BATF2: variants seen among roughly 807,000 people sequenced by gnomAD.
BATF2 encodes the protein basic leucine zipper transcriptional factor ATF-like 2.
A neutral mutation model predicts 7.3 loss-of-function variants in BATF2; 4 were observed. The ratio of observed to expected loss-of-function variants is 0.55; its 90% CI spans 0.27 to 1.26. BATF2 has a LOEUF of 1.26. Among genes scored for constraint, BATF2 ranks in the 50% most tolerant of loss-of-function variants. The pLI is 0.11. For synonymous variants in BATF2, 152 were observed against 153.9 expected (o/e 0.99, Z 0.09); for missense variants, 295 against 340.5 (o/e 0.87, Z 1.05).
chr11:64,994,359 G>A, intron 2 of BATF2, 89 bp downstream of exon 2: 1 of 1,242,634 alleles, frequency 8.0e-7, no homozygotes, highest in East Asian at 2.5e-5. Context: ...GAGTTTGGGG[G>A]AGGTCTGCTC....
At chr11:64,993,760 T>C (rs1946092589) in intron 2 of BATF2, among the ~76,000 whole-genome samples, 1 of 152,098 alleles carries the variant, frequency 6.6e-6, no homozygotes, top group South Asian at 2.1e-4. Context: ...TGGGCCCACC[T>C]GGCCTCATGA....
Position 64,990,829 on chromosome 11 carries a change from C to T in BATF2, c.142-1017G>A, listed in dbSNP as rs970055522. ...TTTTTGAGATGGAGTCTGGCTCTGT[C>T]GCCCAGGCTGGAGTGCAGTGGCTCG... On this transcript the variant is annotated intron_variant, in intron 2 of 2. Transcript: ENST00000301887. Among the ~76,000 whole-genome samples, 25 of 152,044 alleles carry T rather than the reference C, an allele frequency of 1.6e-4. No homozygotes were observed. The East Asian group carries it at 2.9e-3, about 18-fold the overall frequency.
chr11:64,988,154 C>T lies in BATF2; in HGVS notation c.*975G>A, dbSNP rs1946038239. 6.6e-6 allele frequency: 1 copy of T among 152,240 alleles called. No homozygotes were observed. 9.4% of individuals were successfully genotyped at this position (152,240 alleles called of 1,614,324 possible). ...TCTTGAAGCAGACACCAAAACTGAA[C>T]TTCCACCCGGTCATGGGCCCTGCTC... On this transcript the variant is annotated 3_prime_UTR_variant, in exon 3 of 3. Coordinates refer to ENST00000301887, the MANE Select transcript of BATF2 (RefSeq NM_138456.4).
rs201553021 is a variant in BATF2, at chr11:64,989,287, G to A, written c.667C>T (p.Pro223Ser). The A allele has an allele frequency of 3.8e-6, 6 of 1,595,546 alleles. No homozygotes were observed. In the African/African-American group the frequency reaches 6.7e-5, roughly 18 times the overall value. ...HPTRGKLGSS[P>S]DNPSSALGLA... The stretch of plus-strand genomic sequence containing the variant: ...CCCAGGGCAGAGGAAGGGTTGTCGG[G>A]AGAGGACCCCAGCTTCCCTCTGGTG... Residue 223 changes from proline to serine, a missense_variant, in exon 3 of 3, where the codon CCC becomes TCC. By Grantham distance (74) the Pro-to-Ser change is moderately conservative. Coordinates refer to ENST00000301887, the MANE Select transcript of BATF2 (RefSeq NM_138456.4). The surrounding 1 kb of genome is among the most constrained non-coding windows in gnomAD (Gnocchi z 4.3).
In BATF2 at chr11:64,989,980, C is replaced by T; in HGVS notation, c.142-168G>A. 1 of 1,496,442 alleles carries T rather than the reference C, an allele frequency of 6.7e-7. No individual in the cohort carries two copies. Among genetic ancestry groups the T allele is most frequent in the Non-Finnish European group, 9.1e-7 (1 of 1,100,658 alleles). The allele number at this position is 1,496,442 out of a possible 1,614,324, so 92.7% of individuals were successfully genotyped here. A position where few individuals can be genotyped will look rare whatever the true frequency, so the allele number is the denominator to read the frequency against. On this transcript the variant is annotated intron_variant, in intron 2 of 2. Transcript: ENST00000301887. This position sits in a 1 kb window ranked among gnomAD's most constrained non-coding sequence, Gnocchi z 4.3. ...TCTCTGGCCAGCCCTTCATAACCAC[C>T]TACCAAGTCTCCCCTGTCCCACCCT... is the stretch of plus-strand genomic sequence containing the variant.
Position 64,989,175 on chromosome 11 carries a change from G to A in BATF2, c.779C>T (p.Pro260Leu). ...QGLVVDPSPH[P>L]LLAFPLLSSA... ...GGAGAGCAGAGGAAAGGCCAGGAGA[G>A]GGTGAGGGCTGGGATCCACAACCAG... The change falls in exon 3 of 3, where the codon CCT (proline) becomes CTT (leucine). Residue 260 changes from proline (P) to leucine (L), a missense_variant. Physicochemically the swap from Pro to Leu is moderately conservative, Grantham distance 98 (BLOSUM62 -3). Coordinates refer to ENST00000301887, the MANE Select transcript of BATF2 (RefSeq NM_138456.4). The surrounding 1 kb of genome is among the most constrained non-coding windows in gnomAD (Gnocchi z 4.3). The A allele has an allele frequency of 1.2e-6, 2 of 1,614,190 alleles. No homozygotes were observed. Among genetic ancestry groups the A allele is most frequent in the Non-Finnish European group, 1.7e-6 (2 of 1,180,030 alleles).
At chr11:64,990,107 C>T in intron 2 of BATF2, 1 of 1,535,768 alleles carries the variant, frequency 6.5e-7, no homozygotes, top group Non-Finnish European at 8.7e-7. Context: ...CCCGTGTGTC[C>T]CCCAAACCAC....
At chr11:64,991,007 G>A (rs1313472285) in intron 2 of BATF2, among the ~76,000 whole-genome samples, 1 of 151,844 alleles carries the variant, frequency 6.6e-6, no homozygotes, top group Non-Finnish European at 1.5e-5. Flanking sequence ...AGCCAGGATG[G>A]TCTCGATCTC....
intron 2 of BATF2, among the ~76,000 whole-genome samples, chr11:64,992,891 G>C (rs1946087334): frequency 6.6e-6 from 1 of 151,810 alleles, no homozygotes; most frequent in South Asian, 2.1e-4. Context: ...AGGCATGGTG[G>C]CTCACGCCTG....
intron 2 of BATF2, among the ~76,000 whole-genome samples, chr11:64,991,467 A>G (rs1005335307): frequency 1.3e-5 from 2 of 152,086 alleles, no homozygotes; most frequent in Non-Finnish European, 2.9e-5. Context: ...AATGATGGAC[A>G]TTTCTAAAAT....
At chr11:64,991,260 G>A (rs1165846461) in intron 2 of BATF2, among the ~76,000 whole-genome samples, 6 of 145,050 alleles carry the variant, frequency 4.1e-5, no homozygotes, top group African/African-American at 7.7e-5. Flanking sequence ...AGGTTCAAAC[G>A]ATTCTCCTGC....
chr11:64,993,498 G>A (rs1032705410), intron 2 of BATF2, among the ~76,000 whole-genome samples: 1 of 152,172 alleles, frequency 6.6e-6, no homozygotes, highest in Non-Finnish European at 1.5e-5. Flanking sequence ...CCCTCATCTG[G>A]AACTGAATTG....
In BATF2 at chr11:64,996,933, G is replaced by C; in HGVS notation, c.-19C>G. 1 of 1,581,320 alleles carries C rather than the reference G, an allele frequency of 6.3e-7. No homozygotes were observed. The highest frequency in any genetic ancestry group is 8.6e-7 in the Non-Finnish European group (1 of 1,162,372). The stretch of plus-strand genomic sequence containing the variant: ...GGTGCATGGCTTAGGCGGGGGAGCA[G>C]AGTGGTCCCTCAGCAGCTGTGACTT... On this transcript the variant is annotated 5_prime_UTR_variant, in exon 1 of 3. Coordinates refer to ENST00000301887, the MANE Select transcript of BATF2 (RefSeq NM_138456.4).
intron 2 of BATF2, among the ~76,000 whole-genome samples, chr11:64,993,791 G>A (rs2136879820): frequency 6.6e-6 from 1 of 151,060 alleles, no homozygotes; most frequent in African/African-American, 2.5e-5. Context: ...GGCAGAGGAA[G>A]AATAATCCAC....
chr11:64,989,153 G>C lies in BATF2; in HGVS notation c.801C>G (p.Leu267=). 1 of 1,614,200 alleles carries C rather than the reference G, an allele frequency of 6.2e-7. No homozygotes were observed. The highest frequency in any genetic ancestry group is 8.5e-7 in the Non-Finnish European group (1 of 1,180,030). The change falls in exon 3 of 3, where the codon CTC becomes CTG. Residue 267 remains leucine, a synonymous_variant. Coordinates refer to ENST00000301887, the MANE Select transcript of BATF2 (RefSeq NM_138456.4). The surrounding 1 kb of genome is among the most constrained non-coding windows in gnomAD (Gnocchi z 4.3). The part of the protein sequence containing the change: ...SPHPLLAFPL[L]SSAQVHF ...GTTAGAAGTGGACTTGAGCAGAGGA[G>C]AGCAGAGGAAAGGCCAGGAGAGGGT...
intron 2 of BATF2, among the ~76,000 whole-genome samples, chr11:64,992,756 G>C (rs1946086441): frequency 6.6e-6 from 1 of 151,984 alleles, no homozygotes; most frequent in Non-Finnish European, 1.5e-5. Flanking sequence ...AGCTACTCGG[G>C]AGACTGAGGT....
intron 2 of BATF2, chr11:64,990,175 C>T (rs751886384): frequency 1.3e-6 from 2 of 1,535,706 alleles, no homozygotes; most frequent in South Asian, 1.2e-5. Flanking sequence ...CAGGTTAAAG[C>T]CCTTTAGAGG....
At chr11:64,990,014 G>T (rs1212052255) in intron 2 of BATF2, 2 of 1,534,240 alleles carry the variant, frequency 1.3e-6, no homozygotes, top group Non-Finnish European at 8.8e-7. Context: ...CTCTGAAGGG[G>T]GCTCAGATCC....
intron 1 of BATF2, among the ~76,000 whole-genome samples, 168 bp downstream of exon 1, chr11:64,996,708 G>A (rs376876882): frequency 3.9e-5 from 6 of 152,344 alleles, no homozygotes; most frequent in African/African-American, 7.2e-5. Flanking sequence ...TCCCGACTTC[G>A]GGGGAGGAAA....
Sources: allele counts gnomAD v4.1 joint callset (sites outside exome capture counted in the v4.1 genomes callset), GRCh38; gene constraint gnomAD v4.1.1; non-coding constraint Gnocchi (gnomAD v3.1); transcripts MANE v1.5; gene names NCBI Gene and HGNC (gene_info 2026-07-23, HGNC 2026-07-21).